PAM: variants seen among roughly 807,000 people sequenced by gnomAD.
The protein encoded by PAM is peptidyl-glycine alpha-amidating monooxygenase.
A neutral mutation model predicts 122.1 loss-of-function variants in PAM; 72 were observed. That is an observed-to-expected ratio of 0.59 (90% CI 0.49 to 0.72). The LOEUF (loss-of-function observed/expected upper bound fraction) is 0.72. PAM is among the 30% of genes least tolerant of loss of function. The probability of loss-of-function intolerance (pLI) is 0.00; values close to 1 mark genes in which losing one functional copy is unlikely to be tolerated. For missense variants in PAM, 1,106 were observed against 1,183.7 expected, an observed-to-expected ratio of 0.93 and a Z score of 0.96; for synonymous variants, 389 against 404.4, an observed-to-expected ratio of 0.96 and a Z score of 0.46.
At chr5:102,945,437 T>C (rs1756711263) in intron 7 of PAM, among the ~76,000 whole-genome samples, 1 of 148,410 alleles carries the variant, frequency 6.7e-6, no homozygotes, top group Non-Finnish European at 1.5e-5. Context: ...TGTAAATCTA[T>C]AGTTCATATA....
At position 102,844,600 on chromosome 5, in the gene PAM, G is replaced by A. The variant is rs145276102; in HGVS notation, c.-373-21223G>A. Among the ~76,000 whole-genome samples, 892 of 152,160 alleles carry A rather than the reference G, an allele frequency of 5.9e-3. 14 individuals carry two copies. The highest frequency in any genetic ancestry group is 0.02 in the African/African-American group (846 of 41,482). On this transcript the variant is annotated intron_variant, in intron 1 of 25. Transcript: ENST00000438793. ...AGAGGATCCTTGAGCCCAGGAGTTC[G>A]AAGCTGCAGTGAGCTATGATCACAC...
intron 7 of PAM, 132 bp from the exon 8 acceptor site, chr5:102,946,705 A>C: frequency 4.7e-6 from 3 of 643,200 alleles, no homozygotes; most frequent in Non-Finnish European, 8.2e-6. Context: ...TTAGTAAATC[A>C]TAAAGAACCA....
chr5:102,917,563 G>T (rs1336897529), intron 5 of PAM, among the ~76,000 whole-genome samples: 1 of 152,126 alleles, frequency 6.6e-6, no homozygotes, highest in Admixed American at 6.6e-5. Flanking sequence ...ACATCAAAAT[G>T]TCAAACTTGG....
At chr5:102,766,928 T>A (rs1238915867) in intron 1 of PAM, among the ~76,000 whole-genome samples, 1 of 94,588 alleles carries the variant, frequency 1.1e-5, no homozygotes, top group African/African-American at 4.9e-5. Context: ...AGTTGTGGAT[T>A]TTTTTTTTTT....
chr5:102,974,991 G>A (rs2150460880), intron 15 of PAM, among the ~76,000 whole-genome samples: 1 of 152,218 alleles, frequency 6.6e-6, no homozygotes, highest in East Asian at 1.9e-4. Flanking sequence ...TATTTCTGAA[G>A]GGACCTCTAC....
At chr5:102,847,749 GA>G (rs1216519637) in intron 1 of PAM, among the ~76,000 whole-genome samples, 1 of 152,036 alleles carries the variant, frequency 6.6e-6, no homozygotes, top group Non-Finnish European at 1.5e-5. Context: ...AATTTCCTAG[GA>G]AAACTTATTT....
intron 7 of PAM, among the ~76,000 whole-genome samples, chr5:102,930,505 A>G (rs1043669471): frequency 2.0e-5 from 3 of 152,190 alleles, no homozygotes; most frequent in African/African-American, 4.8e-5. Flanking sequence ...GTGAAACAGC[A>G]TCTTAGACAC....
chr5:102,963,196 G>A (rs962630911), intron 14 of PAM, among the ~76,000 whole-genome samples: 4 of 151,882 alleles, frequency 2.6e-5, no homozygotes, highest in East Asian at 1.9e-4. Context: ...GGGACCACCA[G>A]CCTAGAATTA....
At position 102,900,254 on chromosome 5, in the gene PAM, T is replaced by TGG. The variant is rs140960589; in HGVS notation, c.211-1093_211-1092dup. The stretch of plus-strand genomic sequence containing the variant: ...CTTCAGGTCTCTTAATGTGTGTGTG[T>TGG]GGGGGGGGGGCGGGGGGAAGAGGGT... On this transcript the variant is annotated intron_variant, in intron 3 of 25. Transcript: ENST00000438793. Among the ~76,000 whole-genome samples the TGG allele has an allele frequency of 4.6e-3, 124 of 26,986 alleles. 2 individuals carry two copies. The highest frequency in any genetic ancestry group is 6.5e-3 in the East Asian group (7 of 1,076). The allele number at this position is 26,986 out of a possible 152,430, so 17.7% of individuals were successfully genotyped here. A position where few individuals can be genotyped will look rare whatever the true frequency, so the allele number is the denominator to read the frequency against.
chr5:102,960,157 T>C (rs1348926645), intron 13 of PAM, 98 bp downstream of exon 13: 4 of 675,614 alleles, frequency 5.9e-6, no homozygotes, highest in African/African-American at 1.8e-5. Flanking sequence ...CTTTATTCCC[T>C]TCTTCTACCA....
chr5:102,978,889 G>T (rs1444667658), intron 15 of PAM, among the ~76,000 whole-genome samples: 1 of 151,490 alleles, frequency 6.6e-6, no homozygotes, highest in Non-Finnish European at 1.5e-5. Flanking sequence ...TAGTGTTTTA[G>T]ATGCATTGAT....
intron 1 of PAM, among the ~76,000 whole-genome samples, chr5:102,771,623 CAAAG>C (rs1408945170): frequency 6.6e-6 from 1 of 152,056 alleles, no homozygotes; most frequent in Non-Finnish European, 1.5e-5. Context: ...TACAGGATCA[CAAAG>C]GAAGGAAACT....
chr5:102,759,233 T>G (rs1045409443), intron 1 of PAM, among the ~76,000 whole-genome samples: 1 of 152,196 alleles, frequency 6.6e-6, no homozygotes, highest in Non-Finnish European at 1.5e-5. Flanking sequence ...CAGTGCATCA[T>G]CTCATCCTAA....
chr5:103,025,184 T>C lies in PAM; in HGVS notation c.2539T>C (p.Leu847=), dbSNP rs148972876. The C allele has an allele frequency of 3.1e-6, 5 of 1,613,660 alleles. No homozygotes were observed. The highest frequency in any genetic ancestry group is 1.3e-5 in the African/African-American group (1 of 74,890). ...KMENKPTSSE[L]QKMQEKQKLI... ...GGAGAACAAACCCACCTCCTCAGAA[T>C]TGCAGAAGATGCAAGAGAAACAGAA... The change falls in exon 24 of 26, where the codon TTG becomes CTG. Residue 847 remains leucine, a synonymous_variant. Transcript: ENST00000438793.
At chr5:102,966,949 G>A (rs1764259230) in intron 14 of PAM, among the ~76,000 whole-genome samples, 4 of 151,878 alleles carry the variant, frequency 2.6e-5, no homozygotes, top group African/African-American at 9.7e-5. Context: ...AAAAATAATA[G>A]CACCTGCCTC....
chr5:102,947,397 A>G (rs1255523590), intron 8 of PAM, among the ~76,000 whole-genome samples: 1 of 152,196 alleles, frequency 6.6e-6, no homozygotes, highest in Non-Finnish European at 1.5e-5. Context: ...TCTATTTGTT[A>G]AAGATAAGTT....
chr5:102,943,900 G>T (rs1756114479), intron 7 of PAM, among the ~76,000 whole-genome samples: 1 of 152,088 alleles, frequency 6.6e-6, no homozygotes, highest in Non-Finnish European at 1.5e-5. Flanking sequence ...CTTAAAATTA[G>T]ATTCTGATTG....
chr5:102,869,382 T>G (rs1361651862), intron 3 of PAM, among the ~76,000 whole-genome samples: 1 of 146,840 alleles, frequency 6.8e-6, no homozygotes, highest in Non-Finnish European at 1.5e-5. Flanking sequence ...TGCAGAGAGA[T>G]TGAAAGAATG....
chr5:102,891,907 T>C (rs1430174698), intron 3 of PAM, among the ~76,000 whole-genome samples: 1 of 151,866 alleles, frequency 6.6e-6, no homozygotes, highest in Non-Finnish European at 1.5e-5. Context: ...CAGGACCTAT[T>C]GTTTGCCTAC....
Sources: gnomAD v4.1 joint callset for allele counts (sites outside exome capture counted in the v4.1 genomes callset) on GRCh38, gnomAD v4.1.1 for gene constraint, MANE v1.5 for transcripts, NCBI Gene and HGNC (gene_info 2026-07-23, HGNC 2026-07-21) for gene names.